ABLIM3: variants seen among roughly 807,000 people sequenced by gnomAD.
ABLIM3 encodes the protein actin binding LIM protein family member 3.
Under a neutral mutation model 109.5 loss-of-function variants are expected in ABLIM3, and 61 were observed. That is an observed-to-expected ratio of 0.56 (90% CI 0.45 to 0.69). The LOEUF (loss-of-function observed/expected upper bound fraction) is 0.69, where lower values mean the gene tolerates loss of function less well. Among genes scored for constraint, ABLIM3 ranks in the 30% least tolerant of loss-of-function variants. The pLI is 0.00. For missense variants in ABLIM3, 796 were observed against 889.5 expected (o/e 0.89, Z 1.34); for synonymous variants, 300 against 324.8 (o/e 0.92, Z 0.82).
intron 23 of ABLIM3, among the ~76,000 whole-genome samples, chr5:149,253,311 A>G (rs143790316): frequency 6.6e-6 from 1 of 152,352 alleles, no homozygotes; most frequent in African/African-American, 2.4e-5. Context: ...GAAAAAAAGC[A>G]TAAGTAAGTC....
intron 21 of ABLIM3, among the ~76,000 whole-genome samples, chr5:149,251,731 G>A (rs541749668): frequency 6.6e-6 from 1 of 152,306 alleles, no homozygotes; most frequent in African/African-American, 2.4e-5. Context: ...CCCAGTGGAG[G>A]GAAGCACTCA....
chr5:149,204,035 C>T (rs1214275836), intron 5 of ABLIM3, among the ~76,000 whole-genome samples: 1 of 152,190 alleles, frequency 6.6e-6, no homozygotes, highest in Non-Finnish European at 1.5e-5. Context: ...TGACTTGCAA[C>T]TTGGGAAGTG....
At chr5:149,226,061 C>CAT (rs887358095) in intron 8 of ABLIM3, among the ~76,000 whole-genome samples, 2 of 132,436 alleles carry the variant, frequency 1.5e-5, no homozygotes, top group Non-Finnish European at 3.1e-5. Flanking sequence ...GATTGATGGG[C>CAT]ATTTGGGTTG....
chr5:149,155,343 A>G (rs933814471), intron 2 of ABLIM3, among the ~76,000 whole-genome samples: 12 of 152,212 alleles, frequency 7.9e-5, no homozygotes, highest in African/African-American at 1.9e-4. Context: ...GTGACATTCC[A>G]TATTCTAGGC....
At chr5:149,165,617 G>T (rs1754751918) in intron 2 of ABLIM3, among the ~76,000 whole-genome samples, 1 of 152,210 alleles carries the variant, frequency 6.6e-6, no homozygotes, top group Non-Finnish European at 1.5e-5. Context: ...CTGTTCACTT[G>T]ATATCATGCA....
rs921691300 is a variant in ABLIM3 at position 149,242,251 on chromosome 5, G to T, written c.1304-240G>T. ...CTTCAAGCCCCAGGTCTCTTCCTCG[G>T]CACCACTTGGATCCATCCATTCCTC... On this transcript the variant is annotated intron_variant, in intron 14 of 23. Coordinates refer to ENST00000309868, the MANE Select transcript of ABLIM3 (RefSeq NM_014945.5). Among the ~76,000 whole-genome samples the T allele has an allele frequency of 3.3e-5, 5 of 152,252 alleles. No individual in the cohort carries two copies. The South Asian group carries it at 1.0e-3, about 32-fold the overall frequency.
chr5:149,178,426 A>G (rs1756163720), intron 2 of ABLIM3, among the ~76,000 whole-genome samples: 2 of 152,224 alleles, frequency 1.3e-5, no homozygotes, highest in Admixed American at 1.3e-4. Flanking sequence ...CCTTTCAACC[A>G]GAAGTTCCAC....
At chr5:149,192,216 G>GA (rs1011223642) in intron 3 of ABLIM3, among the ~76,000 whole-genome samples, 56 of 144,202 alleles carry the variant, frequency 3.9e-4, no homozygotes, top group South Asian at 1.1e-3. Context: ...GTTTGAAAAG[G>GA]AAAAAAAAAA....
intron 15 of ABLIM3, 49 bp downstream of exon 15, chr5:149,242,587 G>C: frequency 6.2e-7 from 1 of 1,601,116 alleles, no homozygotes; most frequent in Non-Finnish European, 8.6e-7. Flanking sequence ...GAGGGGGGAG[G>C]TTAACCATCT....
rs1206258598 is a variant in ABLIM3 at position 149,184,027 on chromosome 5, G to T, written c.151+438G>T. On this transcript the variant is annotated intron_variant, in intron 3 of 23. Transcript: ENST00000309868. ...TATGACAATGTAGCAATCTTCAAAG[G>T]TTAAGTTTAACAAGGGAGAAGAGAC... 3.3e-5 allele frequency among the ~76,000 whole-genome samples: 5 copies of T among 151,454 alleles called. No homozygotes were observed. The South Asian group carries it at 6.2e-4, about 19-fold the overall frequency.
At chr5:149,177,397 C>T (rs1482093640) in intron 2 of ABLIM3, among the ~76,000 whole-genome samples, 1 of 152,190 alleles carries the variant, frequency 6.6e-6, no homozygotes, top group African/African-American at 2.4e-5. Flanking sequence ...ACACAACAAA[C>T]ACACTGATGC....
chr5:149,258,823 T>C lies in ABLIM3; in HGVS notation c.*419T>C. On this transcript the variant is annotated 3_prime_UTR_variant, in exon 24 of 24. Coordinates refer to ENST00000309868, the MANE Select transcript of ABLIM3 (RefSeq NM_014945.5). Reference sequence around the variant, plus strand: ...TATTGGCCCCAGAGGGGCCCTCCCATGGGAAGATCTGCAGCAGTCTCCCCA... The same window carrying C: ...TATTGGCCCCAGAGGGGCCCTCCCACGGGAAGATCTGCAGCAGTCTCCCCA... 2.0e-6 allele frequency: 2 copies of C among 990,758 alleles called. No individual in the cohort carries two copies. Among genetic ancestry groups the C allele is most frequent in the African/African-American group, 1.7e-5 (1 of 57,442 alleles). 61.4% of individuals were successfully genotyped at this position (990,758 alleles called of 1,614,324 possible). A position where few individuals can be genotyped will look rare whatever the true frequency, so the allele number is the denominator to read the frequency against.
chr5:149,202,269 A>G (rs1758565813), intron 5 of ABLIM3, among the ~76,000 whole-genome samples: 1 of 152,204 alleles, frequency 6.6e-6, no homozygotes, highest in African/African-American at 2.4e-5. Flanking sequence ...GTCCACCATA[A>G]TTTGGATGAT....
At chr5:149,243,848 T>G (rs1463116538) in intron 15 of ABLIM3, 2 of 152,072 alleles carry the variant, frequency 1.3e-5, no homozygotes, top group African/African-American at 4.8e-5. Context: ...TGGAGGTGGG[T>G]TGCTTGGAAA....
chr5:149,257,371 C>G (rs1460801208), intron 23 of ABLIM3, among the ~76,000 whole-genome samples: 3 of 151,378 alleles, frequency 2.0e-5, no homozygotes, highest in Admixed American at 1.3e-4. Flanking sequence ...ATAATTTTCA[C>G]TGAATCTCCT....
intron 2 of ABLIM3, among the ~76,000 whole-genome samples, chr5:149,156,937 GAAGGTCTTTTGCA>G (rs1324140053): frequency 2.0e-5 from 3 of 152,236 alleles, no homozygotes; most frequent in Non-Finnish European, 4.4e-5. Context: ...AAATGACCTC[GAAGGTCTTTTGCA>G]ACTTTGAGAT....
intron 2 of ABLIM3, among the ~76,000 whole-genome samples, chr5:149,183,115 T>C (rs1024930875): frequency 6.6e-6 from 1 of 152,196 alleles, no homozygotes; most frequent in African/African-American, 2.4e-5. Context: ...TAATTTTAAT[T>C]TAAAGCTTAC....
chr5:149,170,876 T>C (rs1391328003), intron 2 of ABLIM3, among the ~76,000 whole-genome samples: 2 of 152,232 alleles, frequency 1.3e-5, no homozygotes, highest in Non-Finnish European at 2.9e-5. Context: ...TTTTCTTCTG[T>C]ATTTTTCTTG....
At position 149,198,096 on chromosome 5, in the gene ABLIM3, A is replaced by G. The variant is rs1054297397; in HGVS notation, c.152-123A>G. Reference sequence around the variant, plus strand: ...GCCCCAAAGGCCTGTGAAGTCTGACATGCTACCATTCTGTGGCCACTCATG... The same window carrying G: ...GCCCCAAAGGCCTGTGAAGTCTGACGTGCTACCATTCTGTGGCCACTCATG... On this transcript the variant is annotated intron_variant, in intron 3 of 23. Transcript: ENST00000309868. This position sits in a 1 kb window ranked among gnomAD's most constrained non-coding sequence, Gnocchi z 4.2. 1.2e-6 allele frequency: 1 copy of G among 818,156 alleles called. No homozygotes were observed. Among genetic ancestry groups the G allele is most frequent in the Non-Finnish European group, 1.9e-6 (1 of 517,260 alleles). The allele number at this position is 818,156 out of a possible 1,614,324, so 50.7% of individuals were successfully genotyped here. A position where few individuals can be genotyped will look rare whatever the true frequency, so the allele number is the denominator to read the frequency against.
Sources: allele counts gnomAD v4.1 joint callset (sites outside exome capture counted in the v4.1 genomes callset), GRCh38; gene constraint gnomAD v4.1.1; non-coding constraint Gnocchi (gnomAD v3.1); transcripts MANE v1.5; gene names NCBI Gene and HGNC (gene_info 2026-07-23, HGNC 2026-07-21).